SOX5: variants seen among roughly 807,000 people sequenced by gnomAD.
SOX5 encodes the protein SRY-box transcription factor 5.
A neutral mutation model predicts 92.0 loss-of-function variants in SOX5; 9 were observed. The ratio of observed to expected loss-of-function variants is 0.10; its 90% CI spans 0.06 to 0.17. The LOEUF (loss-of-function observed/expected upper bound fraction) is 0.17. SOX5 is among the 10% of genes least tolerant of loss of function. SOX5 has a pLI of 1.00. For synonymous variants in SOX5, 344 were observed against 336.3 expected (o/e 1.02, Z -0.25); for missense variants, 642 against 944.5 (o/e 0.68, Z 4.20).
intron 6 of SOX5, among the ~76,000 whole-genome samples, chr12:23,696,749 C>G (rs1306379966): frequency 5.3e-5 from 8 of 152,110 alleles, no homozygotes. Context: ...CTTCTAAATA[C>G]TGCTTTAGTT....
At chr12:23,929,826 A>C (rs1306064675) in intron 1 of SOX5, among the ~76,000 whole-genome samples, 3 of 151,976 alleles carry the variant, frequency 2.0e-5, no homozygotes, top group Non-Finnish European at 4.4e-5. Context: ...TGTTATATTT[A>C]GAAATTTTGC....
chr12:23,863,939 T>C (rs2096784324), intron 2 of SOX5, among the ~76,000 whole-genome samples: 1 of 151,906 alleles, frequency 6.6e-6, no homozygotes, highest in African/African-American at 2.4e-5. Context: ...ACAGGCACCT[T>C]GTTTTATGGC....
At chr12:24,074,880 G>GT (rs58493725) in intron 4 of SOX5, among the ~76,000 whole-genome samples, 36,089 of 150,112 alleles carry the variant, frequency 0.24, 4,646 homozygotes, top group Non-Finnish European at 0.29. Context: ...ACTTTCTTTT[G>GT]TTTTTTTGTT....
chr12:23,581,928 G>T (rs967058597), intron 9 of SOX5, among the ~76,000 whole-genome samples: 7 of 151,454 alleles, frequency 4.6e-5, no homozygotes, highest in African/African-American at 1.2e-4. Flanking sequence ...AAAATTTCAG[G>T]CTTCTTCCTC....
chr12:24,351,255 C>T (rs1392560853), intron 2 of SOX5, among the ~76,000 whole-genome samples: 2 of 152,146 alleles, frequency 1.3e-5, no homozygotes, highest in East Asian at 3.8e-4. Context: ...TATAAACTTG[C>T]TCAGCAGTCA....
intron 4 of SOX5, among the ~76,000 whole-genome samples, chr12:23,986,849 AT>A (rs34120483): frequency 0.22 from 34,028 of 151,910 alleles, 4,047 homozygotes; most frequent in African/African-American, 0.25. Context: ...AAATTAGCCA[AT>A]TTTTTTTAAT....
chr12:24,449,916 C>T (rs1404768536), intron 1 of SOX5, among the ~76,000 whole-genome samples: 1 of 152,076 alleles, frequency 6.6e-6, no homozygotes, highest in Non-Finnish European at 1.5e-5. Context: ...TGTTCCCTAG[C>T]CCCCACACAT....
rs536687584 is a variant in SOX5, at chr12:24,248,627, C to T, written c.-77+28589G>A. On this transcript the variant is annotated intron_variant, in intron 3 of 4. Transcript: ENST00000446891. ...CTCTAAATCCTGACTTCAAGTGATC[C>T]GCCTGACTTGGCCTCCCAAAGTGCT... 5.5e-4 allele frequency among the ~76,000 whole-genome samples: 84 copies of T among 152,172 alleles called. 1 individual carries two copies. Among genetic ancestry groups the T allele is most frequent in the African/African-American group, 1.9e-3 (78 of 41,536 alleles).
intron 4 of SOX5, among the ~76,000 whole-genome samples, chr12:24,079,968 T>C (rs1226393976): frequency 6.6e-6 from 1 of 151,976 alleles, no homozygotes; most frequent in African/African-American, 2.4e-5. Flanking sequence ...AATTAGTAGA[T>C]AAACTTTCTG....
rs1447870480 is a variant in SOX5 at position 23,755,533 on chromosome 12, A to G, written c.568+105T>C. 8 of 766,622 alleles carry G rather than the reference A, an allele frequency of 1.0e-5. No homozygotes were observed. The East Asian group carries it at 1.7e-4, about 16-fold the overall frequency. 47.5% of individuals were successfully genotyped at this position (766,622 alleles called of 1,614,324 possible). On this transcript the variant is annotated intron_variant, in intron 4 of 14. Transcript: ENST00000451604. ...AAGAAACCCTAAACACAGAGAATGC[A>G]AGAAGCAGAAGAGGTGAGGGCAGAA...
At chr12:24,241,946 G>T (rs1965636914) in intron 3 of SOX5, among the ~76,000 whole-genome samples, 1 of 152,080 alleles carries the variant, frequency 6.6e-6, no homozygotes, top group African/African-American at 2.4e-5. Flanking sequence ...TAGGCACTTA[G>T]AAACTAAAAA....
At chr12:24,307,517 G>GTTA (rs1595425741) in intron 2 of SOX5, among the ~76,000 whole-genome samples, 5 of 27,514 alleles carry the variant, frequency 1.8e-4, no homozygotes, top group Admixed American at 7.3e-4. Flanking sequence ...AAGGAAGGAA[G>GTTA]GCCGGCCCCC....
chr12:24,035,899 T>C (rs1306310326), intron 4 of SOX5, among the ~76,000 whole-genome samples: 1 of 152,024 alleles, frequency 6.6e-6, no homozygotes, highest in African/African-American at 2.4e-5. Context: ...GTCTGGGTGA[T>C]TATCCTTCCG....
chr12:23,738,487 C>G (rs1335757389), intron 5 of SOX5: 1 of 152,166 alleles, frequency 6.6e-6, no homozygotes, highest in Non-Finnish European at 1.5e-5. Context: ...GGAGGCAGCA[C>G]TGCAGGACAT....
intron 1 of SOX5, among the ~76,000 whole-genome samples, chr12:24,453,917 C>T (rs530693965): frequency 5.3e-5 from 8 of 152,148 alleles, no homozygotes; most frequent in Admixed American, 2.6e-4. Flanking sequence ...TTTTGAAGGC[C>T]GAGTGTTTCC....
At chr12:24,550,491 C>T (rs1220228830) in intron 1 of SOX5, among the ~76,000 whole-genome samples, 1 of 152,146 alleles carries the variant, frequency 6.6e-6, no homozygotes, top group Non-Finnish European at 1.5e-5. Flanking sequence ...AAACTTTTGC[C>T]TGCAACATTT....
At chr12:24,324,991 T>C (rs1950544415) in intron 2 of SOX5, among the ~76,000 whole-genome samples, 1 of 152,132 alleles carries the variant, frequency 6.6e-6, no homozygotes, top group Non-Finnish European at 1.5e-5. Context: ...AATAAACATA[T>C]GAGGCACCAA....
intron 7 of SOX5, among the ~76,000 whole-genome samples, chr12:23,661,952 G>T (rs2139335232): frequency 6.6e-6 from 1 of 152,258 alleles, no homozygotes; most frequent in Middle Eastern, 3.4e-3. Flanking sequence ...ACAGTCTGGT[G>T]TGTGTTTACG....
chr12:24,081,553 ATTCCT>A lies in SOX5; in HGVS notation c.-2+131785_-2+131789del, dbSNP rs1368923712. ...CTGTGAGGAATCATAAAACAATCAC[ATTCCT>A]TTATTTTTTTTCCTCCGTAGGACCT... On this transcript the variant is annotated intron_variant, in intron 4 of 4. Coordinates refer to the SOX5 transcript ENST00000446891. Among the ~76,000 whole-genome samples the A allele has an allele frequency of 2.0e-5, 3 of 152,080 alleles. No homozygotes were observed. In the East Asian group the frequency reaches 5.8e-4, roughly 29 times the overall value.
Sources: allele counts gnomAD v4.1 joint callset (sites outside exome capture counted in the v4.1 genomes callset), GRCh38; gene constraint gnomAD v4.1.1; transcripts MANE v1.5; gene names NCBI Gene and HGNC (gene_info 2026-07-23, HGNC 2026-07-21).